The following SORCS1 variants were observed in gnomAD, a reference collection of about 807,000 sequenced individuals.
SORCS1 encodes the protein sortilin related VPS10 domain containing receptor 1, also known as VPS10 domain-containing receptor SorCS1.
In SORCS1, 60 loss-of-function variants were observed where a neutral mutation model predicts 146.1. That is an observed-to-expected ratio of 0.41 (90% CI 0.33 to 0.51). The LOEUF (loss-of-function observed/expected upper bound fraction) is 0.51. SORCS1 is among the 20% of genes least tolerant of loss of function. The probability of loss-of-function intolerance (pLI) is 0.21; values close to 1 mark genes in which losing one functional copy is unlikely to be tolerated. For missense variants in SORCS1, 1,352 were observed against 1,487.6 expected, an observed-to-expected ratio of 0.91 and a Z score of 1.50; for synonymous variants, 637 against 584.0, an observed-to-expected ratio of 1.09 and a Z score of -1.31.
chr10:107,089,397 C>A lies in SORCS1; in HGVS notation c.558+74572G>T, dbSNP rs531464751. 2.6e-5 allele frequency among the ~76,000 whole-genome samples: 4 copies of A among 152,256 alleles called. No individual in the cohort carries two copies. The South Asian group carries it at 8.3e-4, about 32-fold the overall frequency. On this transcript the variant is annotated intron_variant, in intron 1 of 25. Transcript: ENST00000263054. ...TGAGTAGTGTACATAGCCTATCTTTCTGACCTTCAGAAAAGACTAGTTTAA... is the reference window on the plus strand; with the variant it reads ...TGAGTAGTGTACATAGCCTATCTTTATGACCTTCAGAAAAGACTAGTTTAA...
chr10:106,578,287 A>G (rs1441962274), intron 25 of SORCS1: 1 of 152,214 alleles, frequency 6.6e-6, no homozygotes, highest in Non-Finnish European at 1.5e-5. Context: ...GAATCTAGCA[A>G]GTGAACGTCA....
rs758211379 is a variant in SORCS1, at chr10:106,672,872, C to T, written c.2054G>A (p.Ser685Asn). The part of the protein sequence containing the change: ...EEDYRPWQLH[S>N]QGEACIMGAK... ...TCTCAGTTCTTTTCCTCCTACCTGG[C>T]TGTGCAGCTGCCAAGGTCTGTAGTC... The change falls in exon 15 of 26, where the codon AGC (serine) becomes AAC (asparagine). Residue 685 changes from serine to asparagine, a missense_variant. This residue lies in a region of SORCS1 where 648 missense variants were observed against 793.8 expected (regional missense o/e 0.82). Coordinates refer to ENST00000263054, the MANE Select transcript of SORCS1 (RefSeq NM_052918.5). The T allele has an allele frequency of 3.7e-6, 6 of 1,613,488 alleles. No individual in the cohort carries two copies. The highest frequency in any genetic ancestry group is 2.5e-6 in the Non-Finnish European group (3 of 1,179,534).
chr10:106,955,797 C>T lies in SORCS1; in HGVS notation c.626+716G>A, dbSNP rs537358113. On this transcript the variant is annotated intron_variant, in intron 2 of 25. Transcript: ENST00000263054. ...CCTGAGGTCGGAAGTTCAAGATCAG[C>T]CTCACCAACATGGAGAAACCACGTC... 2.0e-5 allele frequency among the ~76,000 whole-genome samples: 3 copies of T among 152,068 alleles called. No homozygotes were observed. In the South Asian group the frequency reaches 6.2e-4, roughly 32 times the overall value.
chr10:107,093,991 C>T (rs2134329730), intron 1 of SORCS1, among the ~76,000 whole-genome samples: 1 of 152,280 alleles, frequency 6.6e-6, no homozygotes, highest in Non-Finnish European at 1.5e-5. Context: ...TCCCATGCCA[C>T]CTCGAGATTT....
rs761135503 is a variant in SORCS1 at position 106,607,182 on chromosome 10, G to C, written c.3149C>G (p.Thr1050Ser). The change falls in exon 23 of 26, where the codon ACT becomes AGT. Residue 1050 changes from threonine (T) to serine (S), a missense_variant. Thr to Ser is a moderately conservative substitution (Grantham distance 58, BLOSUM62 1). Coordinates refer to ENST00000263054, the MANE Select transcript of SORCS1 (RefSeq NM_052918.5). Reference protein sequence around the residue: ...QDPAGENKRSTDDLEQISELL... With the variant: ...QDPAGENKRSSDDLEQISELL... ...GGGACTCACCTGCTCCAGGTCATCA[G>C]TTGACCTTTTGTTTTCTCCAGCTGG... 6.2e-6 allele frequency: 10 copies of C among 1,613,972 alleles called. No individual in the cohort carries two copies. The highest frequency in any genetic ancestry group is 7.6e-6 in the Non-Finnish European group (9 of 1,179,956).
chr10:106,833,184 C>G (rs1948634749), intron 2 of SORCS1, among the ~76,000 whole-genome samples: 1 of 152,154 alleles, frequency 6.6e-6, no homozygotes. Context: ...CCAGATCCCT[C>G]AAGGTATCTA....
At chr10:106,949,146 A>G (rs1954536629) in intron 2 of SORCS1, among the ~76,000 whole-genome samples, 1 of 152,138 alleles carries the variant, frequency 6.6e-6, no homozygotes, top group African/African-American at 2.4e-5. Context: ...GGTACTAAAC[A>G]TTTGTACGCA....
At chr10:106,980,794 C>G (rs1956218875) in intron 1 of SORCS1, among the ~76,000 whole-genome samples, 1 of 152,258 alleles carries the variant, frequency 6.6e-6, no homozygotes, top group African/African-American at 2.4e-5. Flanking sequence ...GTCATATTTT[C>G]TAAGCTTTAT....
chr10:107,121,625 A>T (rs532507587), intron 1 of SORCS1, among the ~76,000 whole-genome samples: 1 of 152,338 alleles, frequency 6.6e-6, no homozygotes, highest in African/African-American at 2.4e-5. Context: ...AGTAAAAAAA[A>T]AAAATCACAG....
intron 1 of SORCS1, among the ~76,000 whole-genome samples, chr10:107,091,961 C>T (rs1964214862): frequency 6.6e-6 from 1 of 152,182 alleles, no homozygotes; most frequent in South Asian, 2.1e-4. Context: ...GTACACGACA[C>T]TGCACATCAG....
chr10:107,144,749 C>A (rs187086156), intron 1 of SORCS1, among the ~76,000 whole-genome samples: 9 of 152,246 alleles, frequency 5.9e-5, no homozygotes, highest in Admixed American at 3.9e-4. Flanking sequence ...TTCCTCTCCC[C>A]CTTCGGCACA....
At chr10:107,042,295 T>C (rs1041247480) in intron 1 of SORCS1, among the ~76,000 whole-genome samples, 4 of 152,204 alleles carry the variant, frequency 2.6e-5, no homozygotes, top group African/African-American at 7.2e-5. Context: ...ATGACAATAA[T>C]AACAACGAAT....
chr10:106,734,564 T>C (rs1394969363), intron 5 of SORCS1, among the ~76,000 whole-genome samples: 1 of 152,198 alleles, frequency 6.6e-6, no homozygotes, highest in East Asian at 1.9e-4. Flanking sequence ...AAGCATTAAC[T>C]GAATGGCTTT....
intron 1 of SORCS1, among the ~76,000 whole-genome samples, chr10:107,101,481 T>G (rs567843877): frequency 6.6e-6 from 1 of 152,330 alleles, no homozygotes; most frequent in East Asian, 1.9e-4. Flanking sequence ...TTTTGACAAA[T>G]GTATGATGTC....
intron 1 of SORCS1, among the ~76,000 whole-genome samples, chr10:107,096,561 G>T (rs1482882915): frequency 6.6e-6 from 1 of 152,064 alleles, no homozygotes; most frequent in Non-Finnish European, 1.5e-5. Flanking sequence ...CGCCAGGCTG[G>T]AGTGCAGTGA....
At chr10:107,032,184 C>T (rs1276223716) in intron 1 of SORCS1, among the ~76,000 whole-genome samples, 3 of 152,098 alleles carry the variant, frequency 2.0e-5, no homozygotes, top group Non-Finnish European at 2.9e-5. Flanking sequence ...AAATAAAAGA[C>T]ACGTAGACAC....
At chr10:107,040,153 A>AC (rs899383150) in intron 1 of SORCS1, among the ~76,000 whole-genome samples, 1 of 152,144 alleles carries the variant, frequency 6.6e-6, no homozygotes, top group African/African-American at 2.4e-5. Context: ...TACTGTTATC[A>AC]CCGCACTAAC....
chr10:107,039,477 A>G (rs1015121441), intron 1 of SORCS1, among the ~76,000 whole-genome samples: 6 of 152,178 alleles, frequency 3.9e-5, no homozygotes, highest in Admixed American at 2.6e-4. Flanking sequence ...AATATTCTTT[A>G]GCATGAGCCA....
chr10:106,874,285 G>A (rs1950525745), intron 2 of SORCS1, among the ~76,000 whole-genome samples: 1 of 152,100 alleles, frequency 6.6e-6, no homozygotes, highest in Non-Finnish European at 1.5e-5. Flanking sequence ...AGCTTTAGAA[G>A]TCACTTACAA....
Sources: gnomAD v4.1 joint callset for allele counts (sites outside exome capture counted in the v4.1 genomes callset) on GRCh38, gnomAD v4.1.1 for gene constraint, gnomAD v4.1.1 regional missense constraint, MANE v1.5 for transcripts, NCBI Gene and HGNC (gene_info 2026-07-23, HGNC 2026-07-21) for gene names.